Variants in GPC3 observed in about 807,000 individuals in gnomAD.
The protein encoded by GPC3 is glypican 3, also known as glypican-3.
A neutral mutation model predicts 34.4 loss-of-function variants in GPC3; 3 were observed. That is an observed-to-expected ratio of 0.09 (90% CI 0.04 to 0.23). The LOEUF (loss-of-function observed/expected upper bound fraction) is 0.23. Ranked by LOEUF, GPC3 falls within the 10% of genes least tolerant of loss-of-function variation. The pLI, the probability that GPC3 is intolerant of heterozygous loss-of-function variation, is 1.00. For missense variants in GPC3, 351 were observed against 445.6 expected (o/e 0.79, Z 1.91); for synonymous variants, 177 against 174.0 (o/e 1.02, Z -0.13).
chrX:133,646,064 T>A (rs1403275261), intron 6 of GPC3, among the ~76,000 whole-genome samples: 1 of 93,152 alleles, frequency 1.1e-5, no homozygotes, highest in Non-Finnish European at 2.1e-5. Context: ...AAGACTATAG[T>A]ACTATAAGAA....
At chrX:133,652,296 A>G (rs1826581046) in intron 6 of GPC3, among the ~76,000 whole-genome samples, 1 of 111,743 alleles carries the variant, frequency 8.9e-6, no homozygotes, top group Admixed American at 9.6e-5. Flanking sequence ...TTTTTGTGAC[A>G]TACCAGAAGA....
intron 6 of GPC3, among the ~76,000 whole-genome samples, chrX:133,657,688 T>A (rs1315237019): frequency 3.6e-5 from 4 of 111,568 alleles, no homozygotes; most frequent in Non-Finnish European, 7.5e-5. Context: ...ACCCATCCCC[T>A]CAAGGTTATA....
intron 2 of GPC3, among the ~76,000 whole-genome samples, chrX:133,840,853 A>G (rs1248251974): frequency 9.0e-6 from 1 of 110,925 alleles, no homozygotes; most frequent in Non-Finnish European, 1.9e-5. Context: ...CCATCCTGAT[A>G]ATACCTAGGA....
intron 6 of GPC3, among the ~76,000 whole-genome samples, chrX:133,616,933 C>T (rs1192429480): frequency 9.1e-6 from 1 of 110,438 alleles, no homozygotes; most frequent in East Asian, 2.8e-4. Context: ...CTCCTGACCT[C>T]GTGATCCACC....
chrX:133,754,737 G>A (rs762606816), intron 2 of GPC3, among the ~76,000 whole-genome samples: 1 of 112,116 alleles, frequency 8.9e-6, no homozygotes, highest in Non-Finnish European at 1.9e-5. Flanking sequence ...ACTTTAAAGA[G>A]AGCTTTCTGA....
chrX:133,596,502 T>C lies in GPC3; in HGVS notation c.1511A>G (p.Glu504Gly). 1 of 1,203,279 alleles carries C rather than the reference T, an allele frequency of 8.3e-7. No homozygotes were observed. The highest frequency in any genetic ancestry group is 1.8e-5 in the South Asian group (1 of 56,764). The part of the protein sequence containing the change: ...ESGDCGDDED[E>G]CIGGSGDGMI... The stretch of plus-strand genomic sequence containing the variant: ...TCCATCACCAGAGCCTCCAATGCAC[T>C]CATCTTCATCATCACCGCAGTCTCC... The change falls in exon 7 of 8, where the codon GAG becomes GGG. Residue 504 changes from glutamate to glycine, a missense_variant. Transcript: ENST00000370818.
chrX:133,848,075 AT>A (rs890570736), intron 2 of GPC3, among the ~76,000 whole-genome samples: 1 of 111,942 alleles, frequency 8.9e-6, no homozygotes, highest in Non-Finnish European at 1.9e-5. Context: ...TATTTTTCAT[AT>A]TTCTTACACA....
chrX:133,894,284 C>G (rs2076101837), intron 2 of GPC3, among the ~76,000 whole-genome samples: 1 of 112,161 alleles, frequency 8.9e-6, no homozygotes, highest in Admixed American at 9.5e-5. Context: ...CCTCTTGTAT[C>G]TCAAGAAAAT....
intron 2 of GPC3, among the ~76,000 whole-genome samples, chrX:133,891,995 A>G (rs1255017022): frequency 9.0e-6 from 1 of 110,535 alleles, no homozygotes; most frequent in Non-Finnish European, 1.9e-5. Flanking sequence ...CCACCTCACC[A>G]GGTTGTTATG....
chrX:133,949,047 AT>A (rs2076381438), intron 2 of GPC3, among the ~76,000 whole-genome samples: 1 of 111,953 alleles, frequency 8.9e-6, no homozygotes, highest in Non-Finnish European at 1.9e-5. Context: ...CAGGACTGCA[AT>A]TTTTATGCCC....
intron 1 of GPC3, among the ~76,000 whole-genome samples, chrX:133,976,927 T>TAATTAATA (rs2076518308): frequency 2.1e-5 from 2 of 94,067 alleles, no homozygotes; most frequent in South Asian, 5.5e-4. Flanking sequence ...CAAAAAATGA[T>TAATTAATA]AATAAATAAA....
At chrX:133,770,951 G>T (rs1256025969) in intron 2 of GPC3, among the ~76,000 whole-genome samples, 1 of 111,594 alleles carries the variant, frequency 9.0e-6, no homozygotes, top group African/African-American at 3.3e-5. Context: ...GAGGGGATGG[G>T]GGGAAGGAGT....
chrX:133,657,150 A>G (rs746716081), intron 6 of GPC3, among the ~76,000 whole-genome samples: 2 of 112,248 alleles, frequency 1.8e-5, no homozygotes, highest in Non-Finnish European at 3.8e-5. Context: ...AATTTCTGGT[A>G]TTTCGTTTGA....
intron 1 of GPC3, among the ~76,000 whole-genome samples, chrX:133,974,034 GT>G (rs747453128): frequency 9.0e-6 from 1 of 110,757 alleles, no homozygotes; most frequent in African/African-American, 3.3e-5. Flanking sequence ...AACTTTCAGC[GT>G]TTTTTTTGTT....
chrX:133,626,552 A>G (rs919346224), intron 6 of GPC3, among the ~76,000 whole-genome samples: 9 of 111,097 alleles, frequency 8.1e-5, no homozygotes, highest in African/African-American at 2.9e-4. Context: ...CAGCCAACAC[A>G]CACATGAAAA....
rs757707451 is a variant in GPC3, at chrX:133,904,172, G to A, written c.337+48878C>T. On this transcript the variant is annotated intron_variant, in intron 2 of 7. Coordinates refer to ENST00000370818, the MANE Select transcript of GPC3 (RefSeq NM_004484.4). ...TATCTGACATGATTTTAGTTCATAC[G>A]TAATGAGAGAGCTTAGTGCCAACCC... Among the ~76,000 whole-genome samples, 15 of 112,009 alleles carry A rather than the reference G, an allele frequency of 1.3e-4. No individual in the cohort carries two copies. The South Asian group carries it at 4.9e-3, about 37-fold the overall frequency.
chrX:133,633,942 C>CA (rs1020664472), intron 6 of GPC3, among the ~76,000 whole-genome samples: 3 of 111,627 alleles, frequency 2.7e-5, no homozygotes, highest in Admixed American at 1.9e-4. Flanking sequence ...GGGGAGAATG[C>CA]AAAAAATCTC....
At chrX:133,730,234 T>C (rs900140489) in intron 3 of GPC3, among the ~76,000 whole-genome samples, 3 of 112,145 alleles carry the variant, frequency 2.7e-5, no homozygotes, top group Non-Finnish European at 3.8e-5. Context: ...ATGACCTTTA[T>C]AGTACTCATC....
chrX:133,913,713 C>G (rs1226537519), intron 2 of GPC3, among the ~76,000 whole-genome samples: 1 of 111,436 alleles, frequency 9.0e-6, no homozygotes, highest in Admixed American at 9.5e-5. Flanking sequence ...TTGGTTGTTT[C>G]GTAAATCTCC....
Sources: gnomAD v4.1 joint callset for allele counts (sites outside exome capture counted in the v4.1 genomes callset) on GRCh38, gnomAD v4.1.1 for gene constraint, MANE v1.5 for transcripts, NCBI Gene and HGNC (gene_info 2026-07-23, HGNC 2026-07-21) for gene names.